SNED1: variants seen among roughly 807,000 people sequenced by gnomAD.
SNED1 encodes the protein sushi, nidogen and EGF-like domain-containing protein 1.
Under a neutral mutation model 166.7 loss-of-function variants are expected in SNED1, and 81 were observed. The ratio of observed to expected loss-of-function variants is 0.49; its 90% CI spans 0.41 to 0.58. SNED1 has a LOEUF of 0.58. Ranked by LOEUF, SNED1 falls within the 20% of genes least tolerant of loss-of-function variation. SNED1 has a pLI of 0.00. For missense variants in SNED1, 1,604 were observed against 2,000.2 expected, an observed-to-expected ratio of 0.80 and a Z score of 3.78; for synonymous variants, 762 against 822.0, an observed-to-expected ratio of 0.93 and a Z score of 1.25.
chr2:241,088,751 G>C (rs2063717072), intron 31 of SNED1: 2 of 301,018 alleles, frequency 6.6e-6, no homozygotes, highest in South Asian at 1.4e-4. Flanking sequence ...TGGAGAGGCT[G>C]GAAGACCACC....
At chr2:241,039,777 C>T (rs2061471625) in intron 6 of SNED1, among the ~76,000 whole-genome samples, 1 of 152,168 alleles carries the variant, frequency 6.6e-6, no homozygotes, top group South Asian at 2.1e-4. Context: ...GGGACCATCC[C>T]CCAAGAGTGG....
At chr2:241,072,383 C>G (rs914491206) in intron 26 of SNED1, 1 of 366,166 alleles carries the variant, frequency 2.7e-6, no homozygotes, top group Non-Finnish European at 5.4e-6. Context: ...GAGTGCCGCT[C>G]TGGGAATCTG....
At chr2:241,047,462 G>T (rs1344909776) in intron 8 of SNED1, among the ~76,000 whole-genome samples, 1 of 152,222 alleles carries the variant, frequency 6.6e-6, no homozygotes, top group African/African-American at 2.4e-5. Flanking sequence ...AATCAGTAAA[G>T]CTAGAGGAGA....
chr2:241,034,482 C>G, intron 3 of SNED1, 86 bp from the exon 4 acceptor site: 1 of 1,298,408 alleles, frequency 7.7e-7, no homozygotes, highest in Non-Finnish European at 1.1e-6. Flanking sequence ...CCGACCCTGG[C>G]AGGAACATGG....
intron 8 of SNED1, among the ~76,000 whole-genome samples, chr2:241,042,726 A>G (rs762304188): frequency 2.0e-5 from 3 of 152,280 alleles, no homozygotes; most frequent in African/African-American, 4.8e-5. Context: ...TTTTTAAAAT[A>G]CACTGAATAG....
intron 6 of SNED1, among the ~76,000 whole-genome samples, chr2:241,037,621 G>A (rs1382807570): frequency 1.3e-5 from 2 of 152,214 alleles, no homozygotes; most frequent in Non-Finnish European, 2.9e-5. Flanking sequence ...ACAGGCCAGT[G>A]CCCAGGTCCC....
intron 6 of SNED1, among the ~76,000 whole-genome samples, chr2:241,039,276 C>T (rs2061457972): frequency 6.6e-6 from 1 of 152,298 alleles, no homozygotes; most frequent in Admixed American, 6.5e-5. Flanking sequence ...AGGGCTTTCA[C>T]ACCTCCTGGG....
Position 241,068,874 on chromosome 2 carries a change from A to G in SNED1, c.3195-37A>G, listed in dbSNP as rs2062581199. 7.1e-7 allele frequency: 1 copy of G among 1,407,770 alleles called. No homozygotes were observed. 87.2% of individuals were successfully genotyped at this position (1,407,770 alleles called of 1,614,324 possible). A position where few individuals can be genotyped will look rare whatever the true frequency, so the allele number is the denominator to read the frequency against. ...CAGCAGAGTCACACACAGGTCCCAG[A>G]CATCCCTGTTCTCTCTTTGTCACCT... On this transcript the variant is annotated intron_variant, in intron 22 of 31. Coordinates refer to ENST00000310397, the MANE Select transcript of SNED1 (RefSeq NM_001080437.3). This position sits in a 1 kb window ranked among gnomAD's most constrained non-coding sequence, Gnocchi z 5.3.
At chr2:241,002,671 G>A (rs2060111281) in intron 1 of SNED1, among the ~76,000 whole-genome samples, 1 of 152,152 alleles carries the variant, frequency 6.6e-6, no homozygotes, top group Non-Finnish European at 1.5e-5. Context: ...CAGCCCCTGA[G>A]AGGATGGAGC....
intron 1 of SNED1, among the ~76,000 whole-genome samples, chr2:241,027,852 G>T (rs1056743663): frequency 6.6e-6 from 1 of 151,332 alleles, no homozygotes; most frequent in African/African-American, 2.4e-5. Context: ...TCCTGCCTCA[G>T]CCTCCTGAGT....
At chr2:241,049,348 C>T (rs1399186296) in intron 11 of SNED1, among the ~76,000 whole-genome samples, 2 of 152,198 alleles carry the variant, frequency 1.3e-5, no homozygotes, top group Non-Finnish European at 2.9e-5. Context: ...GGGGGAAAAG[C>T]ACTTCTGCAA....
At chr2:241,006,914 G>A (rs1452097793) in intron 1 of SNED1, among the ~76,000 whole-genome samples, 1 of 152,242 alleles carries the variant, frequency 6.6e-6, no homozygotes, top group Non-Finnish European at 1.5e-5. Flanking sequence ...GAGAAGGATG[G>A]AGATGGATCA....
At chr2:241,054,800 A>G (rs978336622) in intron 16 of SNED1, among the ~76,000 whole-genome samples, 2 of 152,248 alleles carry the variant, frequency 1.3e-5, no homozygotes, top group African/African-American at 4.8e-5. Context: ...AGAAAGAAGC[A>G]GGGAAAGATA....
chr2:241,086,506 AG>A (rs2063583208), intron 29 of SNED1, among the ~76,000 whole-genome samples: 2 of 152,202 alleles, frequency 1.3e-5, no homozygotes, highest in Non-Finnish European at 2.9e-5. Context: ...GGCTGACCAC[AG>A]GACTCATCTC....
rs1331704861 is a variant in SNED1 at position 240,998,630 on chromosome 2, G to T, written c.-208G>T. Among the ~76,000 whole-genome samples, 1 of 151,638 alleles carries T rather than the reference G, an allele frequency of 6.6e-6. No individual in the cohort carries two copies. Among genetic ancestry groups the T allele is most frequent in the African/African-American group, 2.4e-5 (1 of 41,348 alleles). On this transcript the variant is annotated 5_prime_UTR_variant, in exon 1 of 32. Coordinates refer to ENST00000310397, the MANE Select transcript of SNED1 (RefSeq NM_001080437.3). ...CAGGGGCGGGGCTGGCCCCGAACGC[G>T]GTCCCGCCCGGCGCTTTCCTCTGCG...
At position 241,051,088 on chromosome 2, in the gene SNED1, G is replaced by A. The variant is rs527760774; in HGVS notation, c.1736-656G>A. On this transcript the variant is annotated intron_variant, in intron 12 of 31. Coordinates refer to ENST00000310397, the MANE Select transcript of SNED1 (RefSeq NM_001080437.3). This position sits in a 1 kb window ranked among gnomAD's most constrained non-coding sequence, Gnocchi z 4.7. The stretch of plus-strand genomic sequence containing the variant: ...GTGGGATGGCTGGCAGGAGAGGAGC[G>A]AGCACAGTGGGGCAGGCCCCTCCCG... Among the ~76,000 whole-genome samples, 1 of 152,192 alleles carries A rather than the reference G, an allele frequency of 6.6e-6. No individual in the cohort carries two copies. Among genetic ancestry groups the A allele is most frequent in the Non-Finnish European group, 1.5e-5 (1 of 68,016 alleles).
chr2:241,056,028 G>A (rs533369730), intron 16 of SNED1, among the ~76,000 whole-genome samples: 13 of 148,698 alleles, frequency 8.7e-5, no homozygotes, highest in African/African-American at 3.4e-4. Flanking sequence ...GTTCTTATAC[G>A]CACTATGTCT....
chr2:241,079,576 C>A (rs1321507188), intron 27 of SNED1, among the ~76,000 whole-genome samples: 1 of 152,046 alleles, frequency 6.6e-6, no homozygotes, highest in Non-Finnish European at 1.5e-5. Context: ...CATAATGGGA[C>A]TGGAGATCGG....
At position 241,094,980 on chromosome 2, in the gene SNED1, C is replaced by G. The variant is rs573796630; in HGVS notation, c.*3344C>G. 1 of 152,212 alleles carries G rather than the reference C, an allele frequency of 6.6e-6. No homozygotes were observed. The highest frequency in any genetic ancestry group is 1.5e-5 in the Non-Finnish European group (1 of 68,200). 9.4% of individuals were successfully genotyped at this position (152,212 alleles called of 1,614,324 possible). On this transcript the variant is annotated 3_prime_UTR_variant, in exon 32 of 32. Transcript: ENST00000310397. The surrounding 1 kb of genome is among the most constrained non-coding windows in gnomAD (Gnocchi z 4.3). ...CAGGCCTCTATCTCAGGGATCACCC[C>G]GGCTGACATCAAATTCCTCTTCTCT...
Sources: allele counts gnomAD v4.1 joint callset (sites outside exome capture counted in the v4.1 genomes callset), GRCh38; gene constraint gnomAD v4.1.1; non-coding constraint Gnocchi (gnomAD v3.1); transcripts MANE v1.5; gene names NCBI Gene and HGNC (gene_info 2026-07-23, HGNC 2026-07-21).